The following CACNA1E variants were observed in gnomAD, a reference collection of about 807,000 sequenced individuals.
CACNA1E encodes the protein voltage-dependent R-type calcium channel subunit alpha-1E.
Under a neutral mutation model 259.2 loss-of-function variants are expected in CACNA1E, and 40 were observed. The ratio of observed to expected loss-of-function variants is 0.15; its 90% confidence interval spans 0.12 to 0.20. The LOEUF is 0.20. Ranked by LOEUF, CACNA1E falls within the 10% of genes least tolerant of loss-of-function variation. CACNA1E has a pLI of 1.00. For synonymous variants in CACNA1E, 1,104 were observed against 1,138.5 expected (o/e 0.97, Z 0.61); for missense variants, 1,874 against 3,040.1 (o/e 0.62, Z 9.02).
At chr1:181,725,119 G>GATGAGTA (rs1276722186) in intron 17 of CACNA1E, among the ~76,000 whole-genome samples, 1 of 152,248 alleles carries the variant, frequency 6.6e-6, no homozygotes, top group East Asian at 1.9e-4. Flanking sequence ...GGTCTACAGA[G>GATGAGTA]ATGAGTAAAA....
intron 3 of CACNA1E, among the ~76,000 whole-genome samples, chr1:181,572,575 A>G (rs1650524277): frequency 6.6e-6 from 1 of 152,142 alleles, no homozygotes; most frequent in African/African-American, 2.4e-5. Flanking sequence ...CCCCCTGTAT[A>G]CAGAGCTTTC....
intron 2 of CACNA1E, among the ~76,000 whole-genome samples, chr1:181,469,975 G>A (rs763480604): frequency 3.3e-5 from 5 of 152,054 alleles, no homozygotes; most frequent in Non-Finnish European, 7.4e-5. Flanking sequence ...GGAGGGAGGG[G>A]GAGTGGAGGA....
At chr1:181,764,884 A>G (rs1253765637) in intron 34 of CACNA1E, among the ~76,000 whole-genome samples, 1 of 152,134 alleles carries the variant, frequency 6.6e-6, no homozygotes, top group Non-Finnish European at 1.5e-5. Flanking sequence ...TCTCTGAGAA[A>G]CCATACACTA....
intron 1 of CACNA1E, among the ~76,000 whole-genome samples, chr1:181,359,887 G>T (rs766312182): frequency 3.6e-4 from 55 of 152,268 alleles, no homozygotes; most frequent in African/African-American, 7.2e-4. Context: ...CCTTACGATT[G>T]TAGCTAACTT....
chr1:181,337,434 G>A (rs2804706), intron 1 of CACNA1E, among the ~76,000 whole-genome samples: 3 of 151,944 alleles, frequency 2.0e-5, no homozygotes, highest in East Asian at 1.9e-4. Context: ...TAACTATAGC[G>A]CTAACCCTGT....
chr1:181,707,519 G>A (rs1015319046), intron 7 of CACNA1E, among the ~76,000 whole-genome samples: 1 of 152,164 alleles, frequency 6.6e-6, no homozygotes, highest in Non-Finnish European at 1.5e-5. Context: ...GAGGTTAGAC[G>A]GGGGTTTGTT....
intron 6 of CACNA1E, among the ~76,000 whole-genome samples, chr1:181,591,321 G>C (rs1652622358): frequency 6.6e-6 from 1 of 152,180 alleles, no homozygotes; most frequent in Non-Finnish European, 1.5e-5. Context: ...CTTTTTAAAA[G>C]AATCAGGCCC....
intron 1 of CACNA1E, among the ~76,000 whole-genome samples, chr1:181,382,785 C>T (rs1655547872): frequency 6.6e-6 from 1 of 152,168 alleles, no homozygotes; most frequent in Non-Finnish European, 1.5e-5. Context: ...CTTGACCCAA[C>T]CTTTAGCTCA....
chr1:181,640,803 A>T (rs1474998680), intron 6 of CACNA1E, among the ~76,000 whole-genome samples: 2 of 152,260 alleles, frequency 1.3e-5, no homozygotes, highest in Non-Finnish European at 2.9e-5. Context: ...GAATGCCAGC[A>T]GGTTTCTAAT....
At chr1:181,614,575 T>C (rs1337940396) in intron 6 of CACNA1E, among the ~76,000 whole-genome samples, 2 of 152,224 alleles carry the variant, frequency 1.3e-5, no homozygotes, top group East Asian at 1.9e-4. Flanking sequence ...CTCATTGCAA[T>C]AGCAACAGGA....
chr1:181,752,583 G>A (rs1657689950), intron 27 of CACNA1E, among the ~76,000 whole-genome samples: 1 of 152,252 alleles, frequency 6.6e-6, no homozygotes, highest in East Asian at 1.9e-4. Context: ...TGGAAGCAAC[G>A]GGATCCCTCT....
chr1:181,737,792 A>G, intron 23 of CACNA1E, 138 bp downstream of exon 23: 1 of 1,173,672 alleles, frequency 8.5e-7, no homozygotes, highest in Non-Finnish European at 1.2e-6. Context: ...CCTGTTCCTC[A>G]GGGCGAAGTA....
chr1:181,492,966 G>C (rs1387217590), intron 1 of CACNA1E, among the ~76,000 whole-genome samples: 6 of 152,150 alleles, frequency 3.9e-5, no homozygotes, highest in African/African-American at 1.4e-4. Context: ...ACCTGAGTAA[G>C]TGTCTAGATG....
chr1:181,647,529 A>G (rs2102039994), intron 6 of CACNA1E, among the ~76,000 whole-genome samples: 1 of 151,790 alleles, frequency 6.6e-6, no homozygotes, highest in East Asian at 1.9e-4. Flanking sequence ...AACAGTCACA[A>G]CTCTGTGGTT....
At chr1:181,379,168 G>A (rs1443293437) in intron 1 of CACNA1E, among the ~76,000 whole-genome samples, 2 of 152,126 alleles carry the variant, frequency 1.3e-5, no homozygotes, top group Admixed American at 6.5e-5. Flanking sequence ...AATATGCAAA[G>A]TAAGACAAAG....
At chr1:181,603,483 A>G (rs1362094834) in intron 6 of CACNA1E, among the ~76,000 whole-genome samples, 6 of 152,096 alleles carry the variant, frequency 3.9e-5, no homozygotes, top group Admixed American at 3.3e-4. Flanking sequence ...CTGTGTGTGG[A>G]AACGGACTTT....
At chr1:181,337,590 C>G (rs998025312) in intron 1 of CACNA1E, among the ~76,000 whole-genome samples, 1 of 152,180 alleles carries the variant, frequency 6.6e-6, no homozygotes, top group African/African-American at 2.4e-5. Flanking sequence ...TTTAAAGATT[C>G]CACATGTAAG....
chr1:181,451,542 G>A (rs1185133790), intron 2 of CACNA1E, among the ~76,000 whole-genome samples: 1 of 152,084 alleles, frequency 6.6e-6, no homozygotes, highest in Non-Finnish European at 1.5e-5. Context: ...AAAATTAGCC[G>A]GGCATGGTGG....
intron 25 of CACNA1E, among the ~76,000 whole-genome samples, chr1:181,743,326 T>A (rs1656755139): frequency 6.6e-6 from 1 of 152,224 alleles, no homozygotes; most frequent in Non-Finnish European, 1.5e-5. Context: ...GAGGGATTCT[T>A]TTGTGTGATT....
Sources: gnomAD v4.1 joint callset for allele counts (sites outside exome capture counted in the v4.1 genomes callset) on GRCh38, gnomAD v4.1.1 for gene constraint, MANE v1.5 for transcripts, NCBI Gene and HGNC (gene_info 2026-07-23, HGNC 2026-07-21) for gene names.